LMNTD1: variants seen among roughly 807,000 people sequenced by gnomAD.
LMNTD1 encodes the protein lamin tail domain-containing protein 1.
Under a neutral mutation model 50.9 loss-of-function variants are expected in LMNTD1, and 35 were observed. That is an observed-to-expected ratio of 0.69 (90% CI 0.53 to 0.91). The LOEUF (loss-of-function observed/expected upper bound fraction) is 0.91, where lower values mean the gene tolerates loss of function less well. Ranked by LOEUF, LMNTD1 falls within the 40% of genes least tolerant of loss-of-function variation. The pLI is 0.00. For missense variants in LMNTD1, 470 were observed against 475.5 expected (o/e 0.99, Z 0.11); for synonymous variants, 153 against 161.9 (o/e 0.94, Z 0.42).
intron 1 of LMNTD1, among the ~76,000 whole-genome samples, chr12:25,564,955 T>C (rs1944492706): frequency 1.3e-5 from 2 of 152,230 alleles, no homozygotes; most frequent in Non-Finnish European, 2.9e-5. Flanking sequence ...TCTTGCTGAA[T>C]TGACCCCTTT....
intron 3 of LMNTD1, among the ~76,000 whole-genome samples, chr12:25,547,600 C>T (rs1414127564): frequency 2.0e-5 from 3 of 151,394 alleles, no homozygotes; most frequent in Admixed American, 6.6e-5. Flanking sequence ...ATAAAATCAT[C>T]GTTTTTAAAG....
intron 8 of LMNTD1, among the ~76,000 whole-genome samples, chr12:25,512,395 T>C (rs1281057168): frequency 2.6e-5 from 4 of 152,206 alleles, no homozygotes; most frequent in African/African-American, 4.8e-5. Context: ...AAAAGAAATC[T>C]AGGAGACGTT....
intron 8 of LMNTD1, among the ~76,000 whole-genome samples, chr12:25,508,065 A>T (rs563564295): frequency 2.6e-5 from 4 of 151,544 alleles, no homozygotes; most frequent in African/African-American, 9.7e-5. Flanking sequence ...TAAGCTGTCC[A>T]TGCTCATTAA....
chr12:25,567,142 A>T (rs977279721), intron 1 of LMNTD1, among the ~76,000 whole-genome samples: 2 of 152,358 alleles, frequency 1.3e-5, no homozygotes, highest in African/African-American at 2.4e-5. Flanking sequence ...AAAACCAGAC[A>T]TCTGAGATAG....
At chr12:25,507,630 G>C (rs1939906476) in intron 8 of LMNTD1, among the ~76,000 whole-genome samples, 1 of 152,176 alleles carries the variant, frequency 6.6e-6, no homozygotes, top group South Asian at 2.1e-4. Context: ...AAGGCACAGG[G>C]GAGCACACAC....
intron 8 of LMNTD1, among the ~76,000 whole-genome samples, chr12:25,516,501 T>G (rs1940786893): frequency 6.6e-6 from 1 of 152,174 alleles, no homozygotes; most frequent in African/African-American, 2.4e-5. Context: ...ATTAATGTAT[T>G]TCTTGAAAGC....
chr12:25,562,160 T>G (rs1944357818), intron 1 of LMNTD1, among the ~76,000 whole-genome samples: 1 of 152,248 alleles, frequency 6.6e-6, no homozygotes, highest in Non-Finnish European at 1.5e-5. Flanking sequence ...TTGTTATGTG[T>G]GAATTTGATC....
chr12:25,597,735 T>A (rs188926305), intron 1 of LMNTD1, among the ~76,000 whole-genome samples: 102 of 152,262 alleles, frequency 6.7e-4, no homozygotes, highest in South Asian at 1.9e-3. Context: ...CACGGATAAA[T>A]CATATGTTAA....
rs995905447 is a variant in LMNTD1, at chr12:25,563,850, G to A, written c.59-17296C>T. Among the ~76,000 whole-genome samples the A allele has an allele frequency of 3.9e-5, 6 of 152,220 alleles. No homozygotes were observed. In the East Asian group the frequency reaches 5.8e-4, roughly 15 times the overall value. The stretch of plus-strand genomic sequence containing the variant: ...TACTCAAGCCTCAGCAATGGTGGGC[G>A]CCCCTCCCCCAGCCTCGCTGCCACC... On this transcript the variant is annotated intron_variant, in intron 1 of 7. Coordinates refer to the LMNTD1 transcript ENST00000445693.
rs565746653 is a variant in LMNTD1 at position 25,572,966 on chromosome 12, A to T, written c.59-26412T>A. 3.4e-4 allele frequency among the ~76,000 whole-genome samples: 52 copies of T among 152,172 alleles called. 1 individual carries two copies. Among genetic ancestry groups the T allele is most frequent in the Admixed American group, 4.6e-4 (7 of 15,266 alleles). ...CAGGGTCACAGTGTCCTCCTAGTAG[A>T]TCCATCTAATGACTTTAATCCTCAG... On this transcript the variant is annotated intron_variant, in intron 1 of 7. Transcript: ENST00000445693.
chr12:25,574,656 G>A (rs574000150), intron 1 of LMNTD1, among the ~76,000 whole-genome samples: 16 of 152,036 alleles, frequency 1.1e-4, no homozygotes, highest in South Asian at 4.2e-4. Flanking sequence ...TTGCTATTCC[G>A]TCCCCCAGTG....
At chr12:25,635,863 AG>A (rs57177604) in intron 1 of LMNTD1, among the ~76,000 whole-genome samples, 93,458 of 151,944 alleles carry the variant, frequency 0.62, 29,177 homozygotes, top group Non-Finnish European at 0.68. Flanking sequence ...CAGCAAAGCA[AG>A]CAAAAACATA....
intron 9 of LMNTD1, among the ~76,000 whole-genome samples, chr12:25,488,511 G>C (rs1448502658): frequency 6.9e-6 from 1 of 145,836 alleles, no homozygotes; most frequent in East Asian, 2.0e-4. Context: ...TCTCTGTATT[G>C]GTTATTCTAG....
intron 8 of LMNTD1, among the ~76,000 whole-genome samples, chr12:25,506,205 T>G (rs1939766360): frequency 6.6e-6 from 1 of 152,284 alleles, no homozygotes. Context: ...TGCGTAAGGT[T>G]ATCTATGTTC....
chr12:25,497,993 T>C (rs1238723341), intron 9 of LMNTD1, among the ~76,000 whole-genome samples: 1 of 152,120 alleles, frequency 6.6e-6, no homozygotes, highest in Admixed American at 6.5e-5. Flanking sequence ...ACTTCTCTCC[T>C]TCCCCTCAAA....
intron 9 of LMNTD1, among the ~76,000 whole-genome samples, chr12:25,488,172 G>T (rs1307832671): frequency 1.4e-5 from 2 of 142,428 alleles, no homozygotes; most frequent in Non-Finnish European, 3.1e-5. Context: ...GAATCTGAAC[G>T]TTGGCCTGCC....
At chr12:25,545,408 A>G (rs1221117509) in intron 4 of LMNTD1, among the ~76,000 whole-genome samples, 2 of 151,464 alleles carry the variant, frequency 1.3e-5, no homozygotes, top group African/African-American at 4.8e-5. Context: ...AGTGTTTCTC[A>G]CTTCTCTGTG....
intron 7 of LMNTD1, among the ~76,000 whole-genome samples, chr12:25,519,583 G>T (rs61924656): frequency 0.65 from 66,503 of 102,294 alleles, 21,102 homozygotes; most frequent in Non-Finnish European, 0.74. Context: ...GCGAGACTCT[G>T]TCTCAAAAAA....
At chr12:25,633,871 A>G (rs909965781) in intron 1 of LMNTD1, among the ~76,000 whole-genome samples, 4 of 152,236 alleles carry the variant, frequency 2.6e-5, no homozygotes, top group African/African-American at 4.8e-5. Flanking sequence ...TACAAAAGGT[A>G]AATTAAACAA....
Sources: gnomAD v4.1 joint callset for allele counts (sites outside exome capture counted in the v4.1 genomes callset) on GRCh38, gnomAD v4.1.1 for gene constraint, MANE v1.5 for transcripts, NCBI Gene and HGNC (gene_info 2026-07-23, HGNC 2026-07-21) for gene names.